CNTN4: variants seen among roughly 807,000 people sequenced by gnomAD.
CNTN4 encodes the protein contactin 4.
Under a neutral mutation model 122.5 loss-of-function variants are expected in CNTN4, and 77 were observed. The ratio of observed to expected loss-of-function variants is 0.63; its 90% confidence interval spans 0.52 to 0.76. The LOEUF (loss-of-function observed/expected upper bound fraction) is 0.76, where lower values mean the gene tolerates loss of function less well. Among genes scored for constraint, CNTN4 ranks in the 30% least tolerant of loss-of-function variants. The probability of loss-of-function intolerance (pLI) is 0.00; values close to 1 mark genes in which losing one functional copy is unlikely to be tolerated. For synonymous variants in CNTN4, 512 were observed against 447.0 expected (o/e 1.15, Z -1.83); for missense variants, 1,256 against 1,259.1 (o/e 1.00, Z 0.04).
intron 3 of CNTN4, among the ~76,000 whole-genome samples, chr3:2,391,506 A>G (rs1182610367): frequency 6.6e-6 from 1 of 152,220 alleles, no homozygotes; most frequent in Non-Finnish European, 1.5e-5. Context: ...GTCACAGATG[A>G]AAACCAGATA....
At position 2,747,922 on chromosome 3, in the gene CNTN4, T is replaced by C. The variant is rs535848668; in HGVS notation, c.358+2225T>C. ...GCCAAATATCTCAATTTCTATCACA[T>C]TCACTCCCAATTCTTACTTTAAAGA... On this transcript the variant is annotated intron_variant, in intron 6 of 24. Coordinates refer to ENST00000418658, the MANE Select transcript of CNTN4 (RefSeq NM_175607.3). Among the ~76,000 whole-genome samples, 17 of 151,214 alleles carry C rather than the reference T, an allele frequency of 1.1e-4. No homozygotes were observed. In the South Asian group the frequency reaches 3.3e-3, roughly 29 times the overall value.
intron 2 of CNTN4, among the ~76,000 whole-genome samples, chr3:2,317,721 G>A (rs1424433959): frequency 1.3e-5 from 2 of 152,166 alleles, no homozygotes; most frequent in African/African-American, 2.4e-5. Flanking sequence ...GTTACACTTT[G>A]TGCTTTGGTA....
intron 4 of CNTN4, among the ~76,000 whole-genome samples, chr3:2,618,322 A>G (rs1179824228): frequency 6.6e-6 from 1 of 152,186 alleles, no homozygotes; most frequent in Non-Finnish European, 1.5e-5. Context: ...TAATATGTGT[A>G]TATGTGTAAA....
rs575486893 is a variant in CNTN4 at position 2,834,361 on chromosome 3, T to C, written c.454+14780T>C. Among the ~76,000 whole-genome samples, 741 of 151,986 alleles carry C rather than the reference T, an allele frequency of 4.9e-3. 5 individuals are homozygous for C. The highest frequency in any genetic ancestry group is 0.017 in the African/African-American group (686 of 41,442). ...GGGCAGATCACTTGAGGTCAGGAGT[T>C]TCAGACCAGCCTGGCCAACATGGTG... On this transcript the variant is annotated intron_variant, in intron 7 of 24. Coordinates refer to ENST00000418658, the MANE Select transcript of CNTN4 (RefSeq NM_175607.3).
At chr3:2,657,880 C>G (rs2083668596) in intron 4 of CNTN4, among the ~76,000 whole-genome samples, 1 of 151,592 alleles carries the variant, frequency 6.6e-6, no homozygotes, top group Non-Finnish European at 1.5e-5. Context: ...ATCAGCCACA[C>G]TGTACCTTCC....
intron 4 of CNTN4, among the ~76,000 whole-genome samples, chr3:2,734,299 A>C (rs2088919034): frequency 1.3e-5 from 2 of 151,930 alleles, no homozygotes; most frequent in South Asian, 4.2e-4. Context: ...GGGCTCAAGC[A>C]ATCCTCCACG....
chr3:2,773,404 A>T (rs895344928), intron 6 of CNTN4, among the ~76,000 whole-genome samples: 2 of 152,178 alleles, frequency 1.3e-5, no homozygotes, highest in Non-Finnish European at 2.9e-5. Flanking sequence ...TAACTTATTT[A>T]AGTTTTGTTT....
intron 3 of CNTN4, among the ~76,000 whole-genome samples, chr3:2,382,077 T>TA (rs538486254): frequency 2.0e-5 from 3 of 152,250 alleles, no homozygotes; most frequent in Admixed American, 2.0e-4. Context: ...CTGCTAGAGA[T>TA]ATGTTTAAAG....
intron 10 of CNTN4, among the ~76,000 whole-genome samples, chr3:2,892,027 C>T (rs1381039131): frequency 6.6e-6 from 1 of 152,198 alleles, no homozygotes; most frequent in African/African-American, 2.4e-5. Context: ...AGGATATGCT[C>T]ATTTCATTCC....
At chr3:2,674,359 C>A (rs2084713782) in intron 4 of CNTN4, among the ~76,000 whole-genome samples, 1 of 152,124 alleles carries the variant, frequency 6.6e-6, no homozygotes, top group Admixed American at 6.5e-5. Context: ...GTACAATGAT[C>A]AAATCAGGGT....
chr3:2,529,706 C>T (rs899448008), intron 3 of CNTN4, among the ~76,000 whole-genome samples: 9 of 151,230 alleles, frequency 6.0e-5, no homozygotes, highest in Non-Finnish European at 1.0e-4. Flanking sequence ...ACTATTCACA[C>T]TCTGTTTAGC....
intron 3 of CNTN4, among the ~76,000 whole-genome samples, chr3:2,526,596 C>T (rs1044611558): frequency 5.9e-5 from 9 of 152,078 alleles, no homozygotes; most frequent in African/African-American, 1.9e-4. Flanking sequence ...TACCAAAATA[C>T]GTATGGGATT....
intron 17 of CNTN4, among the ~76,000 whole-genome samples, chr3:3,036,608 C>CA (rs57755039): frequency 0.19 from 28,815 of 148,522 alleles, 2,949 homozygotes; most frequent in African/African-American, 0.25. Flanking sequence ...ACTAAAAATA[C>CA]AAAAAAAAAA....
At chr3:2,933,417 C>T (rs2094541869) in intron 13 of CNTN4, among the ~76,000 whole-genome samples, 1 of 152,038 alleles carries the variant, frequency 6.6e-6, no homozygotes, top group South Asian at 2.1e-4. Context: ...TGGGGAGATA[C>T]GTGGCCTTCT....
chr3:2,417,849 A>C (rs962737560), intron 3 of CNTN4, among the ~76,000 whole-genome samples: 42 of 152,204 alleles, frequency 2.8e-4, no homozygotes, highest in African/African-American at 9.9e-4. Flanking sequence ...AAGAAACTTA[A>C]ATGTGTATTA....
At chr3:2,494,568 T>G (rs1047424278) in intron 3 of CNTN4, among the ~76,000 whole-genome samples, 2 of 152,286 alleles carry the variant, frequency 1.3e-5, no homozygotes, top group South Asian at 4.2e-4. Flanking sequence ...TTATCAGACC[T>G]TAAGAGGTAC....
chr3:2,802,802 T>A (rs983958775), intron 6 of CNTN4, among the ~76,000 whole-genome samples: 1 of 152,130 alleles, frequency 6.6e-6, no homozygotes, highest in African/African-American at 2.4e-5. Context: ...CTGAAAGCAA[T>A]TGAGAACACA....
intron 7 of CNTN4, among the ~76,000 whole-genome samples, chr3:2,838,460 A>G (rs185211898): frequency 6.6e-6 from 1 of 151,822 alleles, no homozygotes; most frequent in Non-Finnish European, 1.5e-5. Flanking sequence ...TGTAGAATCA[A>G]TTTGCTTTTA....
chr3:2,523,242 G>T (rs2077282369), intron 3 of CNTN4, among the ~76,000 whole-genome samples: 1 of 151,372 alleles, frequency 6.6e-6, no homozygotes, highest in Non-Finnish European at 1.5e-5. Flanking sequence ...GTGAAATGTG[G>T]GCTTTTCTAA....
Sources: allele counts gnomAD v4.1 joint callset (sites outside exome capture counted in the v4.1 genomes callset), GRCh38; gene constraint gnomAD v4.1.1; transcripts MANE v1.5; gene names NCBI Gene and HGNC (gene_info 2026-07-23, HGNC 2026-07-21).